The following NCOR1 variants were observed in gnomAD, a reference collection of about 807,000 sequenced individuals.
NCOR1 encodes the protein protein phosphatase 1, regulatory subunit 109.
Under a neutral mutation model 288.1 loss-of-function variants are expected in NCOR1, and 63 were observed. That is an observed-to-expected ratio of 0.22 (90% confidence interval 0.18 to 0.27). NCOR1 has a LOEUF of 0.27. Ranked by LOEUF, NCOR1 falls within the 10% of genes least tolerant of loss-of-function variation. The probability of loss-of-function intolerance (pLI) is 1.00; values close to 1 mark genes in which losing one functional copy is unlikely to be tolerated. For missense variants in NCOR1, 2,397 were observed against 3,019.2 expected (o/e 0.79, Z 4.83); for synonymous variants, 1,007 against 1,065.9 (o/e 0.94, Z 1.08).
At chr17:16,205,937 CAAAA>C (rs199837579) in intron 1 of NCOR1, among the ~76,000 whole-genome samples, 4 of 67,764 alleles carry the variant, frequency 5.9e-5, no homozygotes, top group African/African-American at 4.9e-5. Context: ...TACTCCGTCT[CAAAA>C]AAAAAAAAAA....
At chr17:16,092,123 G>GTCA in intron 21 of NCOR1, 65 bp from the exon 22 acceptor site, 1 of 1,526,770 alleles carries the variant, frequency 6.5e-7, no homozygotes, top group East Asian at 2.3e-5. Context: ...CTCTTAACAA[G>GTCA]TAATGTAATG....
intron 35 of NCOR1, among the ~76,000 whole-genome samples, chr17:16,062,493 T>TCAG (rs1198212768): frequency 3.3e-5 from 5 of 152,220 alleles, no homozygotes; most frequent in African/African-American, 1.2e-4. Context: ...AAACAAAACA[T>TCAG]CAGCCATCAT....
Position 16,031,206 on chromosome 17 carries a change from GGT to G in NCOR1, c.*1088_*1089del, listed in dbSNP as rs1971926693. 1 of 199,620 alleles carries G rather than the reference GGT, an allele frequency of 5.0e-6. No individual in the cohort carries two copies. Among genetic ancestry groups the G allele is most frequent in the South Asian group, 1.9e-4 (1 of 5,240 alleles). 12.4% of individuals were successfully genotyped at this position (199,620 alleles called of 1,614,324 possible). ...AGGGAGCAAAGTGAGAGTAAATGCTGGTCCATAGTGATGGGGAAAAAGGACTG... is the reference window on the plus strand; with the variant it reads ...AGGGAGCAAAGTGAGAGTAAATGCTGCCATAGTGATGGGGAAAAAGGACTG... On this transcript the variant is annotated 3_prime_UTR_variant, in exon 46 of 46. Coordinates refer to ENST00000268712, the MANE Select transcript of NCOR1 (RefSeq NM_006311.4).
intron 14 of NCOR1, among the ~76,000 whole-genome samples, chr17:16,136,821 A>G (rs111979156): frequency 1.2e-3 from 167 of 139,358 alleles, no homozygotes; most frequent in Non-Finnish European, 1.3e-3. Context: ...AAAAAAAAAA[A>G]AAAAAAAGAA....
chr17:16,156,816 C>A (rs1448308863), intron 6 of NCOR1, among the ~76,000 whole-genome samples: 1 of 152,118 alleles, frequency 6.6e-6, no homozygotes. Context: ...CAATTAAATT[C>A]TCTATTAGAT....
rs768494133 is a variant in NCOR1, at chr17:16,040,304, T to G, written c.6733+137A>C. On this transcript the variant is annotated intron_variant, in intron 43 of 45. Transcript: ENST00000268712. ...TCTGTGCTACTGGGTAAACCTTCCT[T>G]CACTAAATTATTTATTTATTTTTCC... 3 of 768,270 alleles carry G rather than the reference T, an allele frequency of 3.9e-6. No individual in the cohort carries two copies. The South Asian group carries it at 4.4e-5, about 11-fold the overall frequency. 47.6% of individuals were successfully genotyped at this position (768,270 alleles called of 1,614,324 possible). A position where few individuals can be genotyped will look rare whatever the true frequency, so the allele number is the denominator to read the frequency against.
In NCOR1 at chr17:16,029,310, T is replaced by A. The variant is rs1971749205; in HGVS notation, c.*2986A>T. Reference sequence around the variant, plus strand: ...TCATTTACACTGTTGTAAAATAAGGTACTGAAGCAAAAGGAGGACTGATCT... The same window carrying A: ...TCATTTACACTGTTGTAAAATAAGGAACTGAAGCAAAAGGAGGACTGATCT... On this transcript the variant is annotated 3_prime_UTR_variant, in exon 46 of 46. Coordinates refer to ENST00000268712, the MANE Select transcript of NCOR1 (RefSeq NM_006311.4). 2.2e-6 allele frequency: 1 copy of A among 447,166 alleles called. No individual in the cohort carries two copies. The highest frequency in any genetic ancestry group is 4.5e-6 in the Non-Finnish European group (1 of 224,286). 27.7% of individuals were successfully genotyped at this position (447,166 alleles called of 1,614,324 possible).
rs1343621782 is a variant in NCOR1, at chr17:16,126,093, T to C, written c.1623A>G (p.Lys541=). 7.5e-7 allele frequency: 1 copy of C among 1,339,730 alleles called. No individual in the cohort carries two copies. The highest frequency in any genetic ancestry group is 1.5e-5 in the African/African-American group (1 of 67,248). 83.0% of individuals were successfully genotyped at this position (1,339,730 alleles called of 1,614,324 possible). A position where few individuals can be genotyped will look rare whatever the true frequency, so the allele number is the denominator to read the frequency against. ...ATTATTTAACTCACTTGGAGTCTTCTTTTTCATCTTTTTCCTCTTCATCTT... is the reference window on the plus strand; with the variant it reads ...ATTATTTAACTCACTTGGAGTCTTCCTTTTCATCTTTTTCCTCTTCATCTT... ...EKKDEEEKDE[K]EDSKENTKEK... The change falls in exon 15 of 46, where the codon AAA becomes AAG. Residue 541 remains lysine (K), a synonymous_variant. Coordinates refer to ENST00000268712, the MANE Select transcript of NCOR1 (RefSeq NM_006311.4).
chr17:16,129,977 AAAC>A (rs2075347603), intron 14 of NCOR1, among the ~76,000 whole-genome samples: 1 of 152,250 alleles, frequency 6.6e-6, no homozygotes, highest in Non-Finnish European at 1.5e-5. Context: ...AGGGAATAAG[AAAC>A]AACTGCAGCA....
intron 3 of NCOR1, among the ~76,000 whole-genome samples, chr17:16,174,784 T>C (rs2083784178): frequency 6.6e-6 from 1 of 152,172 alleles, no homozygotes. Flanking sequence ...GTATTTGCCT[T>C]TTAAAATTAA....
chr17:16,039,361 C>T, intron 44 of NCOR1, 72 bp downstream of exon 44: 15 of 1,352,072 alleles, frequency 1.1e-5, no homozygotes, highest in Non-Finnish European at 1.6e-5. Flanking sequence ...CTTAGTGATG[C>T]ATCAGAATTT....
At chr17:16,125,988 A>ATGTGACAACTATGTACAAG in intron 15 of NCOR1, 94 bp downstream of exon 15, 1 of 661,616 alleles carries the variant, frequency 1.5e-6, no homozygotes, top group Non-Finnish European at 2.4e-6. Context: ...TATGCAATAT[A>ATGTGACAACTATGTACAAG]TCCATGTGAC....
In NCOR1 at chr17:16,101,664, G is replaced by A. The variant is rs2152998592; in HGVS notation, c.2276C>T (p.Thr759Ile). ...PAVELEPTTETAPSTSPSLAV... is the reference protein window; with the variant it reads ...PAVELEPTTEIAPSTSPSLAV... ...TAAGGAGGGAGATGTACTGGGTGCA[G>A]TTTCCGTGGTGGGCTCAAGCTCAAC... The change falls in exon 20 of 46, where the codon ACT (threonine) becomes ATT (isoleucine). Residue 759 changes from threonine (T) to isoleucine (I), a missense_variant. By Grantham distance (89) the Thr-to-Ile change is moderately conservative. Coordinates refer to ENST00000268712, the MANE Select transcript of NCOR1 (RefSeq NM_006311.4). 6.2e-7 allele frequency: 1 copy of A among 1,614,216 alleles called. No individual in the cohort carries two copies. Among genetic ancestry groups the A allele is most frequent in the Non-Finnish European group, 8.5e-7 (1 of 1,180,048 alleles).
intron 41 of NCOR1, among the ~76,000 whole-genome samples, chr17:16,048,465 G>T (rs559945031): frequency 3.3e-5 from 5 of 151,990 alleles, no homozygotes; most frequent in Non-Finnish European, 7.4e-5. Flanking sequence ...TAGGGTTGGG[G>T]TCACGGTTAG....
intron 23 of NCOR1, among the ~76,000 whole-genome samples, chr17:16,085,706 G>GGAA (rs1276089644): frequency 6.6e-6 from 1 of 152,220 alleles, no homozygotes; most frequent in Non-Finnish European, 1.5e-5. Context: ...TTCAGGCAGT[G>GGAA]GAAGGGGAGA....
At chr17:16,066,541 G>GA in intron 32 of NCOR1, among the ~76,000 whole-genome samples, 1 of 152,242 alleles carries the variant, frequency 6.6e-6, no homozygotes, top group Non-Finnish European at 1.5e-5. Flanking sequence ...ATAGAAACCA[G>GA]AAAAATTCCA....
chr17:16,208,206 ATTTTTTTT>A lies in NCOR1; in HGVS notation c.-71+7148_-71+7155del, dbSNP rs757019446. On this transcript the variant is annotated intron_variant, in intron 1 of 45. Coordinates refer to ENST00000268712, the MANE Select transcript of NCOR1 (RefSeq NM_006311.4). ...CAGGCGCGTGCCACCATGCCCAGCT[ATTTTTTTT>A]TTTTTTTTTTTTTTTTTGTATTTTT... Among the ~76,000 whole-genome samples the A allele has an allele frequency of 6.0e-4, 39 of 65,532 alleles. 1 individual carries two copies. Among genetic ancestry groups the A allele is most frequent in the East Asian group, 2.3e-3 (6 of 2,584 alleles). 43.0% of individuals were successfully genotyped at this position (65,532 alleles called of 152,430 possible).
intron 1 of NCOR1, among the ~76,000 whole-genome samples, chr17:16,195,478 A>AAAAG (rs138060144): frequency 6.7e-6 from 1 of 150,316 alleles, no homozygotes; most frequent in Non-Finnish European, 1.5e-5. Context: ...CTCAAAAAAA[A>AAAAG]AAAGAAAGAA....
intron 2 of NCOR1, among the ~76,000 whole-genome samples, chr17:16,188,527 C>T (rs552017763): frequency 1.2e-4 from 18 of 151,598 alleles, no homozygotes; most frequent in African/African-American, 3.6e-4. Flanking sequence ...AGGAGAATCA[C>T]GTGAACCCAG....
Sources: allele counts gnomAD v4.1 joint callset (sites outside exome capture counted in the v4.1 genomes callset), GRCh38; gene constraint gnomAD v4.1.1; transcripts MANE v1.5; gene names NCBI Gene and HGNC (gene_info 2026-07-23, HGNC 2026-07-21).